The following EML6 variants were observed in gnomAD, a reference collection of about 807,000 sequenced individuals.
The protein encoded by EML6 is EMAP like 6.
In EML6, 154 loss-of-function variants were observed where a neutral mutation model predicts 240.1. The observed-to-expected ratio is 0.64, with a 90% CI of 0.56 to 0.73. The LOEUF is 0.73. EML6 is among the 30% of genes least tolerant of loss of function. EML6 has a pLI of 0.00. For missense variants in EML6, 2,964 were observed against 2,474.6 expected (o/e 1.20, Z -4.20); for synonymous variants, 1,148 against 899.0 (o/e 1.28, Z -4.95).
rs1462521769 is a variant in EML6 at position 54,725,933 on chromosome 2, G to A, written c.197+675G>A. Among the ~76,000 whole-genome samples the A allele has an allele frequency of 6.6e-6, 1 of 151,904 alleles. No homozygotes were observed. Among genetic ancestry groups the A allele is most frequent in the Non-Finnish European group, 1.5e-5 (1 of 67,936 alleles). On this transcript the variant is annotated intron_variant, in intron 2 of 41. Transcript: ENST00000356458. This position sits in a 1 kb window ranked among gnomAD's most constrained non-coding sequence, Gnocchi z 4.3. The stretch of plus-strand genomic sequence containing the variant: ...CACACAATGACCAACATCTGCTAGC[G>A]GATGGCCCAAGACTGACTGACAGGA...
chr2:54,837,707 A>T (rs981710646), intron 7 of EML6, among the ~76,000 whole-genome samples: 2 of 152,192 alleles, frequency 1.3e-5, no homozygotes, highest in Non-Finnish European at 2.9e-5. Flanking sequence ...ACATGCAAGA[A>T]CACACTAGGT....
rs190827272 is a variant in EML6 at position 54,874,841 on chromosome 2, T to C, written c.2344+3236T>C. Among the ~76,000 whole-genome samples the C allele has an allele frequency of 5.2e-3, 794 of 152,288 alleles. 6 individuals are homozygous for C. Among genetic ancestry groups the C allele is most frequent in the African/African-American group, 0.018 (742 of 41,546 alleles). ...GAGTCTTAAATCCTTGCAACCACTT[T>C]ATAGGCTGAGAATGGACATCCTGAA... On this transcript the variant is annotated intron_variant, in intron 16 of 41. Transcript: ENST00000356458.
chr2:54,768,742 A>T (rs950729454), intron 2 of EML6, among the ~76,000 whole-genome samples: 1 of 152,190 alleles, frequency 6.6e-6, no homozygotes, highest in Admixed American at 6.5e-5. Context: ...AGATTACAAC[A>T]TCTCTGAAGC....
chr2:54,959,332 C>T (rs753350564), intron 34 of EML6, 71 bp downstream of exon 34: 5 of 1,406,612 alleles, frequency 3.6e-6, no homozygotes, highest in Admixed American at 2.7e-5. Context: ...AAAAGTGTTC[C>T]CAACTTGGAG....
intron 2 of EML6, among the ~76,000 whole-genome samples, chr2:54,792,199 A>C (rs1669490557): frequency 6.6e-6 from 1 of 152,100 alleles, no homozygotes; most frequent in Non-Finnish European, 1.5e-5. Flanking sequence ...GACATGTAAT[A>C]TTTTCTTATT....
chr2:54,801,541 C>T (rs1370012458), intron 2 of EML6, among the ~76,000 whole-genome samples: 1 of 152,088 alleles, frequency 6.6e-6, no homozygotes, highest in Non-Finnish European at 1.5e-5. Flanking sequence ...CTGAGGAGGG[C>T]GTGCTTGTCT....
intron 26 of EML6, among the ~76,000 whole-genome samples, chr2:54,919,242 T>TTCCCCCCCC (rs1674092392): frequency 7.8e-6 from 1 of 128,426 alleles, no homozygotes; most frequent in African/African-American, 3.1e-5. Context: ...CTATTTTGCT[T>TTCCCCCCCC]CCCCCCCCCC....
chr2:54,894,572 C>T (rs549021948), intron 19 of EML6, among the ~76,000 whole-genome samples: 1 of 152,188 alleles, frequency 6.6e-6, no homozygotes, highest in South Asian at 2.1e-4. Flanking sequence ...AGAAACTCTG[C>T]TAGGTTTTGA....
chr2:54,791,298 T>C (rs1347445596), intron 2 of EML6, among the ~76,000 whole-genome samples: 5 of 152,208 alleles, frequency 3.3e-5, no homozygotes, highest in Non-Finnish European at 5.9e-5. Flanking sequence ...GTGGGTCTTT[T>C]TCTCATCTCT....
chr2:54,883,376 T>G (rs1440577641), intron 17 of EML6, among the ~76,000 whole-genome samples: 1 of 152,210 alleles, frequency 6.6e-6, no homozygotes, highest in Non-Finnish European at 1.5e-5. Context: ...AAATTTTTTT[T>G]GGAGTTAGTA....
intron 26 of EML6, among the ~76,000 whole-genome samples, chr2:54,925,401 A>G (rs1024834732): frequency 6.6e-6 from 1 of 152,194 alleles, no homozygotes; most frequent in Non-Finnish European, 1.5e-5. Context: ...TGCCATTGCT[A>G]TATTCTCGCA....
chr2:54,813,916 T>A (rs1667970182), intron 3 of EML6, among the ~76,000 whole-genome samples: 1 of 152,200 alleles, frequency 6.6e-6, no homozygotes, highest in South Asian at 2.1e-4. Flanking sequence ...TCATGTTTCT[T>A]TACAGTAACT....
intron 2 of EML6, among the ~76,000 whole-genome samples, chr2:54,772,492 A>G (rs778953606): frequency 6.6e-6 from 1 of 152,216 alleles, no homozygotes; most frequent in African/African-American, 2.4e-5. Context: ...TTTTTACTAT[A>G]TGGTTTGCCT....
intron 2 of EML6, among the ~76,000 whole-genome samples, chr2:54,737,253 A>T (rs1683437740): frequency 6.6e-6 from 1 of 152,210 alleles, no homozygotes; most frequent in Non-Finnish European, 1.5e-5. Context: ...ATGGTTCAGT[A>T]ACGATGACAG....
chr2:54,964,876 C>CTA, intron 38 of EML6, 143 bp downstream of exon 38: 1 of 671,778 alleles, frequency 1.5e-6, no homozygotes, highest in Non-Finnish European at 2.4e-6. Flanking sequence ...GTTACTTTTT[C>CTA]CATATTTTAT....
At chr2:54,823,820 C>A (rs1404028329) in intron 5 of EML6, among the ~76,000 whole-genome samples, 1 of 144,548 alleles carries the variant, frequency 6.9e-6, no homozygotes, top group Non-Finnish European at 1.5e-5. Flanking sequence ...ATTTAATCTC[C>A]CTGAGGCTGA....
chr2:54,962,543 C>T lies in EML6; in HGVS notation c.4989C>T (p.Thr1663=). The T allele has an allele frequency of 1.9e-6, 3 of 1,546,360 alleles. No individual in the cohort carries two copies. The highest frequency in any genetic ancestry group is 1.2e-5 in the South Asian group (1 of 82,486). Residue 1663 remains threonine, a synonymous_variant, in exon 36 of 42, where the codon ACC becomes ACT. Coordinates refer to ENST00000356458, the MANE Select transcript of EML6 (RefSeq NM_001039753.4). ...AACAGGGAAAAATCTTAGTGGGAAC[C>T]AAAGACGGAGAAATAATTGAAGTTG... ...CRGKGKILVG[T]KDGEIIEVGE... is the part of the protein sequence containing the mutation.
intron 16 of EML6, among the ~76,000 whole-genome samples, chr2:54,871,854 T>C (rs1425198039): frequency 6.6e-6 from 1 of 152,220 alleles, no homozygotes; most frequent in African/African-American, 2.4e-5. Flanking sequence ...TCTTCCTCAT[T>C]TTCTGTCTCC....
Position 54,827,667 on chromosome 2 carries a change from C to T in EML6, c.627C>T (p.Asp209=), listed in dbSNP as rs1668661893. 8 of 1,551,586 alleles carry T rather than the reference C, an allele frequency of 5.2e-6. No individual in the cohort carries two copies. The highest frequency in any genetic ancestry group is 2.4e-5 in the South Asian group (2 of 84,062). The change falls in exon 6 of 42, where the codon GAC becomes GAT. Residue 209 remains aspartate, a synonymous_variant. Coordinates refer to ENST00000356458, the MANE Select transcript of EML6 (RefSeq NM_001039753.4). ...TILCLACAKE[D]ITYSGALNGD... is the part of the protein sequence containing the mutation. ...TTTGCCTTGCATGTGCCAAAGAAGACATCACCTACTCTGGTGCTTTAAATG... is the reference window on the plus strand; with the variant it reads ...TTTGCCTTGCATGTGCCAAAGAAGATATCACCTACTCTGGTGCTTTAAATG...
Sources: allele counts gnomAD v4.1 joint callset (sites outside exome capture counted in the v4.1 genomes callset), GRCh38; gene constraint gnomAD v4.1.1; non-coding constraint Gnocchi (gnomAD v3.1); transcripts MANE v1.5; gene names NCBI Gene and HGNC (gene_info 2026-07-23, HGNC 2026-07-21).